Variants in CAMTA1 observed in about 807,000 individuals in gnomAD.
CAMTA1 encodes calmodulin binding transcription activator 1, also known as calmodulin-binding transcription activator 1.
Under a neutral mutation model 170.9 loss-of-function variants are expected in CAMTA1, and 27 were observed. The observed-to-expected ratio is 0.16, with a 90% CI of 0.12 to 0.22. CAMTA1 has a LOEUF of 0.22. Ranked by LOEUF, CAMTA1 falls within the 10% of genes least tolerant of loss-of-function variation. CAMTA1 has a pLI of 1.00. For synonymous variants in CAMTA1, 833 were observed against 891.5 expected (o/e 0.93, Z 1.17); for missense variants, 1,619 against 2,217.2 (o/e 0.73, Z 5.42).
At chr1:7,169,956 A>G (rs566559845) in intron 4 of CAMTA1, among the ~76,000 whole-genome samples, 21 of 152,196 alleles carry the variant, frequency 1.4e-4, no homozygotes, top group African/African-American at 4.8e-4. Flanking sequence ...TGTCAACTGT[A>G]TTGTTCTTTT....
intron 6 of CAMTA1, among the ~76,000 whole-genome samples, chr1:7,480,023 G>C (rs1054425035): frequency 3.3e-5 from 5 of 152,058 alleles, no homozygotes; most frequent in African/African-American, 4.8e-5. Context: ...GTATGACTCT[G>C]AGTGCATGTG....
intron 9 of CAMTA1, among the ~76,000 whole-genome samples, chr1:7,667,593 G>A (rs2096012726): frequency 6.6e-6 from 1 of 152,150 alleles, no homozygotes; most frequent in Admixed American, 6.5e-5. Flanking sequence ...TGGCCTGTCA[G>A]ACAGGCCCTG....
chr1:7,201,154 G>A (rs1656613185), intron 4 of CAMTA1, among the ~76,000 whole-genome samples: 1 of 152,116 alleles, frequency 6.6e-6, no homozygotes, highest in African/African-American at 2.4e-5. Context: ...CGTATAATAT[G>A]TGGCCTTTGG....
chr1:6,950,997 CTGG>C (rs1688390845), intron 3 of CAMTA1, among the ~76,000 whole-genome samples: 1 of 152,178 alleles, frequency 6.6e-6, no homozygotes, highest in African/African-American at 2.4e-5. Flanking sequence ...TGGCCTCTGC[CTGG>C]AGTGGAAGGA....
chr1:7,302,320 C>T (rs1312953433), intron 5 of CAMTA1, among the ~76,000 whole-genome samples: 1 of 152,100 alleles, frequency 6.6e-6, no homozygotes, highest in East Asian at 1.9e-4. Context: ...CAGCTCACCT[C>T]TCACCGACAA....
chr1:7,574,685 G>A (rs2095169289), intron 6 of CAMTA1, among the ~76,000 whole-genome samples: 1 of 152,198 alleles, frequency 6.6e-6, no homozygotes, highest in Admixed American at 6.5e-5. Flanking sequence ...CCCGTGCCAA[G>A]CCAACCGGCT....
rs2095118343 is a variant in CAMTA1 at position 7,570,951 on chromosome 1, C to T, written c.511-69449C>T. Reference sequence around the variant, plus strand: ...CTCAAGATGGGCAGCCTTTCTGTGTCGCCGGAGGTTGTGAGGATTAAAGGT... The same window carrying T: ...CTCAAGATGGGCAGCCTTTCTGTGTTGCCGGAGGTTGTGAGGATTAAAGGT... On this transcript the variant is annotated intron_variant, in intron 6 of 22. Coordinates refer to ENST00000303635, the MANE Select transcript of CAMTA1 (RefSeq NM_015215.4). The surrounding 1 kb of genome is among the most constrained non-coding windows in gnomAD (Gnocchi z 4.3). Among the ~76,000 whole-genome samples the T allele has an allele frequency of 6.6e-6, 1 of 152,162 alleles. No individual in the cohort carries two copies. Among genetic ancestry groups the T allele is most frequent in the Non-Finnish European group, 1.5e-5 (1 of 68,018 alleles).
At chr1:7,003,215 T>C (rs753306454) in intron 3 of CAMTA1, among the ~76,000 whole-genome samples, 6 of 152,234 alleles carry the variant, frequency 3.9e-5, no homozygotes, top group Non-Finnish European at 8.8e-5. Flanking sequence ...TGCAAACCAC[T>C]GGTCTAACTA....
In CAMTA1 at chr1:7,195,719, C is replaced by A. The variant is rs564294737; in HGVS notation, c.303-53772C>A. The stretch of plus-strand genomic sequence containing the variant: ...CTCACAGCAGAAGGATAAAGGGGTT[C>A]GATTAAGAGAGCTTGTGGGCTGGGC... On this transcript the variant is annotated intron_variant, in intron 4 of 22. Transcript: ENST00000303635. This position sits in a 1 kb window ranked among gnomAD's most constrained non-coding sequence, Gnocchi z 4.1. 9.4e-4 allele frequency among the ~76,000 whole-genome samples: 143 copies of A among 152,222 alleles called. No homozygotes were observed. The highest frequency in any genetic ancestry group is 3.7e-3 in the South Asian group (18 of 4,816).
At chr1:7,430,135 C>G (rs2092084654) in intron 5 of CAMTA1, among the ~76,000 whole-genome samples, 1 of 151,756 alleles carries the variant, frequency 6.6e-6, no homozygotes, top group South Asian at 2.1e-4. Flanking sequence ...ACAATGATGG[C>G]AATGATGGGG....
intron 6 of CAMTA1, among the ~76,000 whole-genome samples, chr1:7,488,993 A>T (rs747382150): frequency 3.3e-5 from 5 of 152,104 alleles, no homozygotes; most frequent in Non-Finnish European, 5.9e-5. Context: ...ACACGCTGCC[A>T]CCCCCAGCGC....
chr1:7,133,896 T>A (rs1320282992), intron 4 of CAMTA1, among the ~76,000 whole-genome samples: 8 of 152,254 alleles, frequency 5.3e-5, no homozygotes, highest in Non-Finnish European at 1.0e-4. Context: ...ATAAGTTTTT[T>A]AAAATAATGT....
In CAMTA1 at chr1:7,673,164, C is replaced by A. The variant is rs1282694610; in HGVS notation, c.2779+2127C>A. ...CGCCTGGCTAAGGACCAGGGCAGGGCTGCTTAGGTCTGCTCTCAGTTATCT... is the reference window on the plus strand; with the variant it reads ...CGCCTGGCTAAGGACCAGGGCAGGGATGCTTAGGTCTGCTCTCAGTTATCT... On this transcript the variant is annotated intron_variant, in intron 10 of 22. Transcript: ENST00000303635. This position sits in a 1 kb window ranked among gnomAD's most constrained non-coding sequence, Gnocchi z 4.6. 3.3e-5 allele frequency among the ~76,000 whole-genome samples: 5 copies of A among 152,326 alleles called. No individual in the cohort carries two copies. The East Asian group carries it at 7.7e-4, about 24-fold the overall frequency.
chr1:7,690,989 T>C (rs2096304128), intron 11 of CAMTA1, among the ~76,000 whole-genome samples: 1 of 152,146 alleles, frequency 6.6e-6, no homozygotes, highest in African/African-American at 2.4e-5. Context: ...CGTCACGTGA[T>C]GAGTATCAGA....
chr1:7,103,743 C>T (rs1558102461), intron 4 of CAMTA1, among the ~76,000 whole-genome samples: 1 of 151,444 alleles, frequency 6.6e-6, no homozygotes, highest in African/African-American at 2.4e-5. Context: ...CACATGTACA[C>T]ACAATACATT....
intron 6 of CAMTA1, among the ~76,000 whole-genome samples, chr1:7,506,460 CTCAT>C (rs557790828): frequency 8.1e-5 from 12 of 148,876 alleles, no homozygotes; most frequent in African/African-American, 3.0e-4. Context: ...AATTCACACT[CTCAT>C]ACTAACACTC....
chr1:7,705,280 C>T (rs1464712955), intron 11 of CAMTA1, among the ~76,000 whole-genome samples: 4 of 150,104 alleles, frequency 2.7e-5, no homozygotes, highest in East Asian at 2.0e-4. Context: ...GTGGGAGACA[C>T]GCGTGTCCAT....
intron 4 of CAMTA1, among the ~76,000 whole-genome samples, chr1:7,242,313 C>G (rs1039545893): frequency 3.2e-4 from 49 of 152,164 alleles, no homozygotes; most frequent in African/African-American, 1.1e-3. Flanking sequence ...GAAATTGGAA[C>G]CCTCCTCCAT....
At chr1:7,522,000 T>C (rs763382722) in intron 6 of CAMTA1, among the ~76,000 whole-genome samples, 2 of 152,278 alleles carry the variant, frequency 1.3e-5, no homozygotes, top group African/African-American at 4.8e-5. Flanking sequence ...TGCGTTGTTA[T>C]GTGAACTTCT....
Sources: gnomAD v4.1 joint callset for allele counts (sites outside exome capture counted in the v4.1 genomes callset) on GRCh38, gnomAD v4.1.1 for gene constraint, Gnocchi (gnomAD v3.1) non-coding constraint, MANE v1.5 for transcripts, NCBI Gene and HGNC (gene_info 2026-07-23, HGNC 2026-07-21) for gene names.